The following RBFOX1 variants were observed in gnomAD, a reference collection of about 807,000 sequenced individuals.
RBFOX1 encodes the protein RNA binding fox-1 homolog 1.
A neutral mutation model predicts 57.7 loss-of-function variants in RBFOX1; 8 were observed. The ratio of observed to expected loss-of-function variants is 0.14; its 90% CI spans 0.08 to 0.25. The LOEUF (loss-of-function observed/expected upper bound fraction) is 0.25. RBFOX1 is among the 10% of genes least tolerant of loss of function. RBFOX1 has a pLI of 1.00. For synonymous variants in RBFOX1, 326 were observed against 222.4 expected, an observed-to-expected ratio of 1.47 and a Z score of -4.15; for missense variants, 611 against 548.5, an observed-to-expected ratio of 1.11 and a Z score of -1.14.
intron 3 of RBFOX1, among the ~76,000 whole-genome samples, chr16:6,778,332 C>T (rs1288666807): frequency 1.3e-5 from 2 of 152,122 alleles, no homozygotes; most frequent in African/African-American, 2.4e-5. Context: ...ATGTACCCAT[C>T]CCCAGATTCG....
intron 1 of RBFOX1, among the ~76,000 whole-genome samples, chr16:6,132,646 C>T (rs934972210): frequency 4.6e-5 from 7 of 152,078 alleles, no homozygotes; most frequent in Non-Finnish European, 5.9e-5. Context: ...GTGGCATGGA[C>T]TGTGAGTTAA....
chr16:6,230,526 C>G (rs1158125784), intron 1 of RBFOX1, among the ~76,000 whole-genome samples: 2 of 152,098 alleles, frequency 1.3e-5, no homozygotes, highest in African/African-American at 4.8e-5. Context: ...GCCCCAAAGC[C>G]TAGAGGCTTA....
intron 1 of RBFOX1, among the ~76,000 whole-genome samples, chr16:6,306,689 A>T (rs17221544): frequency 0.23 from 35,048 of 152,078 alleles, 5,307 homozygotes; most frequent in Non-Finnish European, 0.34. Context: ...CTCCCAAACA[A>T]TTTTGTGCAA....
At chr16:6,020,924 C>A (rs2095061562) in intron 1 of RBFOX1, among the ~76,000 whole-genome samples, 1 of 152,196 alleles carries the variant, frequency 6.6e-6, no homozygotes, top group African/African-American at 2.4e-5. Context: ...TCCTGGAGCC[C>A]CCAGCTCCAT....
At chr16:6,735,511 A>G (rs968434182) in intron 3 of RBFOX1, among the ~76,000 whole-genome samples, 4 of 152,230 alleles carry the variant, frequency 2.6e-5, no homozygotes, top group South Asian at 2.1e-4. Context: ...TTATTTGGAG[A>G]CGTTTGAGTG....
chr16:7,594,374 C>T (rs1423293117), intron 7 of RBFOX1, among the ~76,000 whole-genome samples: 3 of 152,182 alleles, frequency 2.0e-5, no homozygotes, highest in Non-Finnish European at 2.9e-5. Context: ...CAACATATTG[C>T]ATGATTTCAC....
At chr16:5,776,754 G>A (rs1195842406) in intron 3 of RBFOX1, among the ~76,000 whole-genome samples, 1 of 152,144 alleles carries the variant, frequency 6.6e-6, no homozygotes, top group Non-Finnish European at 1.5e-5. Flanking sequence ...AACACCTTAT[G>A]TTGTCCTTAT....
chr16:6,837,218 T>C (rs922292056), intron 3 of RBFOX1, among the ~76,000 whole-genome samples: 1 of 152,234 alleles, frequency 6.6e-6, no homozygotes, highest in African/African-American at 2.4e-5. Flanking sequence ...ATACAAACTG[T>C]GGATCTCCGT....
At chr16:6,805,605 C>G (rs1448042693) in intron 3 of RBFOX1, among the ~76,000 whole-genome samples, 3 of 149,858 alleles carry the variant, frequency 2.0e-5, no homozygotes, top group Admixed American at 6.6e-5. Context: ...CAATGAAGAG[C>G]AAATCAAATT....
chr16:7,545,976 G>T (rs1310610582), intron 5 of RBFOX1, among the ~76,000 whole-genome samples: 1 of 142,350 alleles, frequency 7.0e-6, no homozygotes, highest in Non-Finnish European at 1.5e-5. Flanking sequence ...CGTAAAACTA[G>T]AAGCACTTAT....
At chr16:5,883,536 A>C (rs1172651806) in intron 4 of RBFOX1, among the ~76,000 whole-genome samples, 1 of 151,980 alleles carries the variant, frequency 6.6e-6, no homozygotes, top group Non-Finnish European at 1.5e-5. Flanking sequence ...CACAGTCCCA[A>C]CGTTGGACTG....
intron 3 of RBFOX1, among the ~76,000 whole-genome samples, chr16:5,764,565 A>T (rs2053709841): frequency 6.6e-6 from 1 of 152,234 alleles, no homozygotes; most frequent in Admixed American, 6.5e-5. Context: ...TGCTAGAGAA[A>T]AGAGAGCGCA....
At chr16:5,699,877 A>G (rs2151479350) in intron 3 of RBFOX1, among the ~76,000 whole-genome samples, 1 of 152,230 alleles carries the variant, frequency 6.6e-6, no homozygotes, top group East Asian at 1.9e-4. Context: ...TCTGTCGCCC[A>G]GGCTGGAGTG....
intron 4 of RBFOX1, among the ~76,000 whole-genome samples, chr16:7,259,563 TA>T (rs780145954): frequency 1.8e-3 from 254 of 144,392 alleles, no homozygotes; most frequent in Middle Eastern, 3.6e-3. Context: ...ATCTCCAATG[TA>T]AAAAAAAAAA....
intron 4 of RBFOX1, among the ~76,000 whole-genome samples, chr16:7,210,143 G>A (rs1922591): frequency 0.63 from 95,214 of 152,030 alleles, 31,129 homozygotes; most frequent in African/African-American, 0.82. Context: ...ATTCAATAAG[G>A]GTGATAATGA....
intron 1 of RBFOX1, among the ~76,000 whole-genome samples, chr16:6,263,626 C>T (rs956481867): frequency 9.8e-5 from 15 of 152,294 alleles, no homozygotes; most frequent in Admixed American, 2.0e-4. Flanking sequence ...TCTCTCCTTC[C>T]TTGGAGCTTA....
At chr16:7,201,992 T>A (rs1428653399) in intron 4 of RBFOX1, among the ~76,000 whole-genome samples, 1 of 152,182 alleles carries the variant, frequency 6.6e-6, no homozygotes, top group Non-Finnish European at 1.5e-5. Flanking sequence ...GTAGCATGTG[T>A]TAGGAGGATA....
At chr16:5,663,931 C>T (rs1476085493) in intron 3 of RBFOX1, among the ~76,000 whole-genome samples, 1 of 152,166 alleles carries the variant, frequency 6.6e-6, no homozygotes, top group African/African-American at 2.4e-5. Context: ...GGGGCAGTCG[C>T]CTTCCCTTCA....
intron 1 of RBFOX1, among the ~76,000 whole-genome samples, chr16:6,230,709 T>C (rs2097452560): frequency 2.0e-5 from 3 of 152,180 alleles, no homozygotes; most frequent in Admixed American, 6.5e-5. Flanking sequence ...ATTGAGCAAA[T>C]ATCTTATGCG....
Sources: gnomAD v4.1 joint callset for allele counts (sites outside exome capture counted in the v4.1 genomes callset) on GRCh38, gnomAD v4.1.1 for gene constraint, MANE v1.5 for transcripts, NCBI Gene and HGNC (gene_info 2026-07-23, HGNC 2026-07-21) for gene names.